Variants in INSYN2B observed in about 807,000 individuals in gnomAD.
INSYN2B encodes inhibitory synaptic factor family member 2B.
INSYN2B carries 16 observed loss-of-function variants against 41.2 expected under a neutral mutation model. The ratio of observed to expected loss-of-function variants is 0.39; its 90% CI spans 0.26 to 0.59. The LOEUF (loss-of-function observed/expected upper bound fraction) is 0.59, where lower values mean the gene tolerates loss of function less well. INSYN2B is among the 20% of genes least tolerant of loss of function. INSYN2B has a pLI of 0.57. For missense variants in INSYN2B, 608 were observed against 646.4 expected (o/e 0.94, Z 0.64); for synonymous variants, 245 against 244.4 (o/e 1.00, Z -0.02).
chr5:169,949,351 G>A (rs1776569101), intron 1 of INSYN2B, among the ~76,000 whole-genome samples: 1 of 152,162 alleles, frequency 6.6e-6, no homozygotes, highest in Non-Finnish European at 1.5e-5. Context: ...GAAGCCTCAT[G>A]GAGGCCCATG....
chr5:169,885,555 C>T (rs1183480040), intron 1 of INSYN2B, among the ~76,000 whole-genome samples: 1 of 152,198 alleles, frequency 6.6e-6, no homozygotes, highest in Non-Finnish European at 1.5e-5. Flanking sequence ...GATAAATGTG[C>T]ATGAACTTCT....
rs377065006 is a variant in INSYN2B at position 169,894,480 on chromosome 5, A to C, written c.-918-9664T>G. ...GTGCGCCATCCACCCTGGTACAGCAAAGCATTGGCAGGCAGCTGCAATGAA... is the reference window on the plus strand; with the variant it reads ...GTGCGCCATCCACCCTGGTACAGCACAGCATTGGCAGGCAGCTGCAATGAA... On this transcript the variant is annotated intron_variant, in intron 1 of 3. Coordinates refer to ENST00000377365, the MANE Select transcript of INSYN2B (RefSeq NM_001129891.3). Among the ~76,000 whole-genome samples, 252 of 152,290 alleles carry C rather than the reference A, an allele frequency of 1.7e-3. 1 individual carries two copies. The highest frequency in any genetic ancestry group is 5.4e-3 in the African/African-American group (223 of 41,546).
intron 1 of INSYN2B, among the ~76,000 whole-genome samples, chr5:169,889,683 A>G (rs1011307850): frequency 1.3e-5 from 2 of 152,220 alleles, no homozygotes; most frequent in African/African-American, 2.4e-5. Context: ...CTGGCCACAC[A>G]GTTTCTGTTG....
chr5:169,908,726 T>C (rs925695445), intron 1 of INSYN2B, among the ~76,000 whole-genome samples: 1 of 147,496 alleles, frequency 6.8e-6, no homozygotes, highest in African/African-American at 2.5e-5. Context: ...TTTTTTTTTT[T>C]TTTTTTGAGA....
intron 1 of INSYN2B, among the ~76,000 whole-genome samples, chr5:169,979,357 C>T (rs1311447274): frequency 5.9e-5 from 9 of 152,164 alleles, no homozygotes; most frequent in African/African-American, 9.7e-5. Flanking sequence ...GAAGTAAGGT[C>T]TCAAACTTGT....
chr5:169,912,556 T>C (rs1313742611), intron 1 of INSYN2B, among the ~76,000 whole-genome samples: 2 of 152,198 alleles, frequency 1.3e-5, no homozygotes, highest in Non-Finnish European at 2.9e-5. Flanking sequence ...CATAACTTTC[T>C]TTCCACTTAA....
At position 169,882,761 on chromosome 5, in the gene INSYN2B, G is replaced by A; in HGVS notation, c.1138C>T (p.Pro380Ser). 6.4e-7 allele frequency: 1 copy of A among 1,551,720 alleles called. No individual in the cohort carries two copies. Among genetic ancestry groups the A allele is most frequent in the Non-Finnish European group, 8.7e-7 (1 of 1,146,950 alleles). The change falls in exon 2 of 4, where the codon CCA becomes TCA. Residue 380 changes from proline to serine, a missense_variant. Pro to Ser is a moderately conservative substitution (Grantham distance 74). Transcript: ENST00000377365. Reference sequence around the variant, plus strand: ...GTCTCACTCCTTGAAAGAGAGGATGGGAGATGATTACTTCCTGGACAATTT... The same window carrying A: ...GTCTCACTCCTTGAAAGAGAGGATGAGAGATGATTACTTCCTGGACAATTT... ...FPNCPGSNHL[P>S]SSLSRSETKL...
chr5:169,943,078 A>G (rs1422906057), intron 1 of INSYN2B, among the ~76,000 whole-genome samples: 4 of 152,170 alleles, frequency 2.6e-5, no homozygotes, highest in Admixed American at 2.6e-4. Context: ...GGTCTTTGGA[A>G]CGCTCTGCAG....
intron 1 of INSYN2B, among the ~76,000 whole-genome samples, chr5:169,952,193 A>G (rs367652672): frequency 2.0e-5 from 3 of 152,218 alleles, no homozygotes; most frequent in Admixed American, 2.0e-4. Flanking sequence ...ATCTTTGCAA[A>G]TAAGAATTCA....
intron 1 of INSYN2B, among the ~76,000 whole-genome samples, chr5:169,941,822 C>T (rs1388457118): frequency 1.3e-5 from 2 of 152,312 alleles, no homozygotes; most frequent in East Asian, 3.9e-4. Flanking sequence ...GCATTCCCCT[C>T]CAGAATAGAA....
chr5:169,939,081 T>G (rs1776121312), intron 1 of INSYN2B, among the ~76,000 whole-genome samples: 1 of 152,090 alleles, frequency 6.6e-6, no homozygotes. Context: ...TTTTTTTGTA[T>G]TTTTAGTAGA....
At chr5:169,899,119 A>G (rs1044660559) in intron 1 of INSYN2B, among the ~76,000 whole-genome samples, 6 of 152,216 alleles carry the variant, frequency 3.9e-5, no homozygotes, top group Non-Finnish European at 1.5e-5. Flanking sequence ...GTGGATTAGA[A>G]GAGATATTAG....
At chr5:169,899,858 A>T (rs904154165) in intron 1 of INSYN2B, among the ~76,000 whole-genome samples, 13 of 152,198 alleles carry the variant, frequency 8.5e-5, no homozygotes, top group African/African-American at 3.1e-4. Flanking sequence ...CCAGAAAAAA[A>T]TTAAGCAGAC....
chr5:169,920,426 G>A (rs1281894943), intron 1 of INSYN2B, among the ~76,000 whole-genome samples: 1 of 152,170 alleles, frequency 6.6e-6, no homozygotes, highest in African/African-American at 2.4e-5. Context: ...CAGAAAGTAG[G>A]TGGATTTGGC....
At chr5:169,905,253 T>G (rs1774212491) in intron 1 of INSYN2B, among the ~76,000 whole-genome samples, 1 of 151,122 alleles carries the variant, frequency 6.6e-6, no homozygotes, top group South Asian at 2.1e-4. Context: ...GCAGCCCCAG[T>G]TGGTGAATGA....
intron 1 of INSYN2B, among the ~76,000 whole-genome samples, chr5:169,897,867 A>G (rs961506767): frequency 1.3e-5 from 2 of 152,226 alleles, no homozygotes; most frequent in Non-Finnish European, 2.9e-5. Context: ...TGGACTCTCA[A>G]AAGAAGAGCT....
intron 1 of INSYN2B, among the ~76,000 whole-genome samples, chr5:169,915,762 G>A (rs933669994): frequency 1.3e-5 from 2 of 152,158 alleles, no homozygotes; most frequent in African/African-American, 4.8e-5. Context: ...TGAGCAAAGT[G>A]TTTTACTGAA....
intron 1 of INSYN2B, among the ~76,000 whole-genome samples, chr5:169,939,431 T>A (rs2113701924): frequency 6.6e-6 from 1 of 152,328 alleles, no homozygotes; most frequent in Middle Eastern, 3.4e-3. Flanking sequence ...GAGGCTGTTT[T>A]ATAGTTAATT....
chr5:169,886,876 A>C (rs1279358238), intron 1 of INSYN2B, among the ~76,000 whole-genome samples: 3 of 152,222 alleles, frequency 2.0e-5, no homozygotes, highest in African/African-American at 4.8e-5. Context: ...GGTTTTCATA[A>C]GAGCTAATGT....
Sources: allele counts gnomAD v4.1 joint callset (sites outside exome capture counted in the v4.1 genomes callset), GRCh38; gene constraint gnomAD v4.1.1; transcripts MANE v1.5; gene names NCBI Gene and HGNC (gene_info 2026-07-23, HGNC 2026-07-21).